The following C1R variants were observed in gnomAD, a reference collection of about 807,000 sequenced individuals.
The protein encoded by C1R is complement C1r, also known as complement C1r subcomponent.
In C1R, 15 loss-of-function variants were observed where a neutral mutation model predicts 27.6. The ratio of observed to expected loss-of-function variants is 0.54; its 90% CI spans 0.36 to 0.84. The LOEUF is 0.84. Ranked by LOEUF, C1R falls within the 40% of genes least tolerant of loss-of-function variation. The probability of loss-of-function intolerance (pLI) is 0.01; values close to 1 mark genes in which losing one functional copy is unlikely to be tolerated. For missense variants in C1R, 544 were observed against 577.9 expected (o/e 0.94, Z 0.60); for synonymous variants, 253 against 228.8 (o/e 1.11, Z -0.95).
rs1361804976 is a variant in C1R, at chr12:7,081,493, A to T, written c.1349-192T>A. On this transcript the variant is annotated intron_variant, in intron 10 of 10. Transcript: ENST00000647956. ...TTGTTCTTGTTTTTTTTTTTTTTTT[A>T]AATTATTATTTTTATTTTTTGAGAC... Among the ~76,000 whole-genome samples the T allele has an allele frequency of 4.3e-3, 479 of 111,522 alleles. 5 individuals carry two copies. The highest frequency in any genetic ancestry group is 0.013 in the African/African-American group (389 of 29,024). 73.2% of individuals were successfully genotyped at this position (111,522 alleles called of 152,430 possible).
chr12:7,089,163 C>T (rs2135743285), intron 5 of C1R, 130 bp downstream of exon 5: 2 of 649,586 alleles, frequency 3.1e-6, no homozygotes, highest in South Asian at 1.7e-5. Flanking sequence ...TGGGAACTTA[C>T]CCAGCCCATG....
rs770884337 is a variant in C1R at position 7,088,832 on chromosome 12, G to A, written c.916+7C>T. The A allele has an allele frequency of 2.6e-6, 2 of 772,314 alleles. No individual in the cohort carries two copies. Among genetic ancestry groups the A allele is most frequent in the South Asian group, 1.4e-5 (1 of 73,496 alleles). The allele number at this position is 772,314 out of a possible 1,614,324, so 47.8% of individuals were successfully genotyped here. ...GGCCATCGAGGGAGGCCTGCAGGGA[G>A]CCTTACTCTCGGTGGTGTAGCGCAG... On this transcript the variant is annotated splice_region_variant and intron_variant, in intron 6 of 10. Transcript: ENST00000647956.
intron 1 of C1R, chr12:7,092,122 G>A: frequency 1.7e-6 from 1 of 599,558 alleles, no homozygotes; most frequent in Non-Finnish European, 3.0e-6. Context: ...CCCGTCCTGG[G>A]CAAGGGGTCC....
chr12:7,087,220 C>T (rs1938170318), intron 7 of C1R: 1 of 152,306 alleles, frequency 6.6e-6, no homozygotes, highest in African/African-American at 2.4e-5. Context: ...CAAAAATTAG[C>T]TGGGCATGGT....
intron 8 of C1R, 125 bp downstream of exon 8, chr12:7,086,253 AG>A (rs1938154436): frequency 2.5e-6 from 1 of 397,588 alleles, no homozygotes; most frequent in African/African-American, 2.1e-5. Flanking sequence ...TAGGCATCAA[AG>A]GACAAGTCAG....
intron 7 of C1R, among the ~76,000 whole-genome samples, chr12:7,088,010 AG>A (rs2135742233): frequency 6.6e-6 from 1 of 152,284 alleles, no homozygotes; most frequent in South Asian, 2.1e-4. Flanking sequence ...GAATCTGCAG[AG>A]CCGAGGACAG....
At chr12:7,089,775 G>T in intron 3 of C1R, 42 bp from the exon 4 acceptor site, 1 of 773,054 alleles carries the variant, frequency 1.3e-6, no homozygotes, top group South Asian at 1.4e-5. Context: ...TCTGCTGGGA[G>T]ACCTGAGTAG....
At position 7,091,965 on chromosome 12, in the gene C1R, C is replaced by T; in HGVS notation, c.3-285G>A. On this transcript the variant is annotated intron_variant, in intron 1 of 10. Transcript: ENST00000647956. The surrounding 1 kb of genome is among the most constrained non-coding windows in gnomAD (Gnocchi z 5.1). ...TCCCCTGCCCGGACGCGTCCCTCCC[C>T]TCCCCTTCCAGGAATAGGACTGGCT... is the stretch of plus-strand genomic sequence containing the variant. 1.6e-6 allele frequency: 1 copy of T among 612,700 alleles called. No individual in the cohort carries two copies. The highest frequency in any genetic ancestry group is 3.0e-6 in the Non-Finnish European group (1 of 332,590). 38.0% of individuals were successfully genotyped at this position (612,700 alleles called of 1,614,324 possible). A position where few individuals can be genotyped will look rare whatever the true frequency, so the allele number is the denominator to read the frequency against.
Position 7,091,152 on chromosome 12 carries a change from A to T in C1R, c.231+300T>A. 2.6e-6 allele frequency: 1 copy of T among 380,718 alleles called. No individual in the cohort carries two copies. Among genetic ancestry groups the T allele is most frequent in the Non-Finnish European group, 4.8e-6 (1 of 210,274 alleles). The allele number at this position is 380,718 out of a possible 1,614,324, so 23.6% of individuals were successfully genotyped here. ...CTTGGAGACAGGGAAGCTGAGGCAC[A>T]GTGGTTTCCCAAAGACTCTCAGCTA... On this transcript the variant is annotated intron_variant, in intron 2 of 10. Coordinates refer to ENST00000647956, the MANE Select transcript of C1R (RefSeq NM_001733.7). The surrounding 1 kb of genome is among the most constrained non-coding windows in gnomAD (Gnocchi z 5.1).
At position 7,089,624 on chromosome 12, in the gene C1R, T is replaced by C. The variant is rs1230872469; in HGVS notation, c.534A>G (p.Pro178=). ...GCCTGTCTTCCTGAAGCTCATAGCC[T>C]GGACGGCAGGAACAGAAGTAGCCTC... The part of the protein sequence containing the change: ...YVGGYFCSCR[P]GYELQEDRHS... The change falls in exon 4 of 11, where the codon CCA becomes CCG. Residue 178 remains proline, a synonymous_variant. Transcript: ENST00000647956. The C allele has an allele frequency of 5.1e-6, 4 of 780,830 alleles. No individual in the cohort carries two copies. Among genetic ancestry groups the C allele is most frequent in the Non-Finnish European group, 9.6e-6 (4 of 418,002 alleles). The allele number at this position is 780,830 out of a possible 1,614,324, so 48.4% of individuals were successfully genotyped here. A position where few individuals can be genotyped will look rare whatever the true frequency, so the allele number is the denominator to read the frequency against.
At position 7,091,644 on chromosome 12, in the gene C1R, G is replaced by A; in HGVS notation, c.39C>T (p.Cys13=). The change falls in exon 2 of 11, where the codon TGC becomes TGT. Residue 13 remains cysteine (C), a synonymous_variant. Transcript: ENST00000647956. The surrounding 1 kb of genome is among the most constrained non-coding windows in gnomAD (Gnocchi z 5.1). The part of the protein sequence containing the change: ...LLYLLVPALF[C]RAGGSIPIPQ... ...GGATGGGAATGGAGCCTCCTGCCCT[G>A]CAGAACAGGGCCGGCACCAGGAGGT... The A allele has an allele frequency of 1.3e-6, 1 of 753,412 alleles. No individual in the cohort carries two copies. The highest frequency in any genetic ancestry group is 2.5e-6 in the Non-Finnish European group (1 of 404,256). 46.7% of individuals were successfully genotyped at this position (753,412 alleles called of 1,614,324 possible).
Position 7,089,741 on chromosome 12 carries a change from G to C in C1R, c.425-8C>G. 2 of 780,340 alleles carry C rather than the reference G, an allele frequency of 2.6e-6. No homozygotes were observed. The highest frequency in any genetic ancestry group is 2.4e-5 in the East Asian group (1 of 41,246). 48.3% of individuals were successfully genotyped at this position (780,340 alleles called of 1,614,324 possible). ...AAGCACATTCATCAAGGTCTGGAAG[G>C]CATTCAGGAAGGAGGGTTAAGCTTC... On this transcript the variant is annotated splice_region_variant and splice_polypyrimidine_tract_variant and intron_variant, in intron 3 of 10. Transcript: ENST00000647956.
rs1938287609 is a variant in C1R, at chr12:7,091,943, C to T, written c.3-263G>A. On this transcript the variant is annotated intron_variant, in intron 1 of 10. Transcript: ENST00000647956. The surrounding 1 kb of genome is among the most constrained non-coding windows in gnomAD (Gnocchi z 5.1). ...TCACACTCCCTTTCCAGCCTCCTCCCCTGCCCGGACGCGTCCCTCCCCTCC... is the reference window on the plus strand; with the variant it reads ...TCACACTCCCTTTCCAGCCTCCTCCTCTGCCCGGACGCGTCCCTCCCCTCC... The T allele has an allele frequency of 1.6e-6, 1 of 639,808 alleles. No homozygotes were observed. The highest frequency in any genetic ancestry group is 2.9e-5 in the East Asian group (1 of 34,342). 39.6% of individuals were successfully genotyped at this position (639,808 alleles called of 1,614,324 possible).
chr12:7,080,692 T>C lies in C1R; in HGVS notation c.1958A>G (p.Asp653Gly). ...PSLKQDACQGDSGGVFAVRDP... is the reference protein window; with the variant it reads ...PSLKQDACQGGSGGVFAVRDP... ...CCTTACTGCAAAAACGCCCCCACTA[T>C]CCCCCTGGCAGGCGTCCTGCTTTAG... The change falls in exon 11 of 11, where the codon GAT (aspartate) becomes GGT (glycine). Residue 653 changes from aspartate to glycine, a missense_variant. Transcript: ENST00000647956. This position sits in a 1 kb window ranked among gnomAD's most constrained non-coding sequence, Gnocchi z 4.9. 6.2e-7 allele frequency: 1 copy of C among 1,613,776 alleles called. No individual in the cohort carries two copies. Among genetic ancestry groups the C allele is most frequent in the Non-Finnish European group, 8.5e-7 (1 of 1,179,850 alleles).
chr12:7,086,501 T>C (rs988184138), intron 7 of C1R, 44 bp from the exon 8 acceptor site: 87,721 of 398,280 alleles, frequency 0.22, 10,955 homozygotes, highest in Admixed American at 0.41. Flanking sequence ...CAAGAGGCAA[T>C]GGAGGTCCCC....
rs1938264488 is a variant in C1R, at chr12:7,091,087, C to T, written c.231+365G>A. 1.4e-5 allele frequency: 4 copies of T among 289,806 alleles called. No individual in the cohort carries two copies. The highest frequency in any genetic ancestry group is 2.6e-5 in the Non-Finnish European group (4 of 152,534). The allele number at this position is 289,806 out of a possible 1,614,324, so 18.0% of individuals were successfully genotyped here. ...GCCCACATTTCTCCTCCTCATGTCC[C>T]TGTGTTCCTGTTGAAGCAGGCAGCC... On this transcript the variant is annotated intron_variant, in intron 2 of 10. Coordinates refer to ENST00000647956, the MANE Select transcript of C1R (RefSeq NM_001733.7). The surrounding 1 kb of genome is among the most constrained non-coding windows in gnomAD (Gnocchi z 5.1).
rs376220347 is a variant in C1R at position 7,082,492 on chromosome 12, C to T, written c.1274-386G>A. 8.5e-5 allele frequency among the ~76,000 whole-genome samples: 13 copies of T among 152,100 alleles called. No individual in the cohort carries two copies. The East Asian group carries it at 1.4e-3, about 16-fold the overall frequency. On this transcript the variant is annotated intron_variant, in intron 9 of 10. Transcript: ENST00000647956. ...GACTACAGGTGCCCGCCACCATGCC[C>T]GGCTAATTTTTTGTATTTTTAGTAG...
intron 9 of C1R, 22 bp from the exon 10 acceptor site, chr12:7,082,128 A>C (rs1938075095): frequency 7.2e-7 from 1 of 1,390,716 alleles, no homozygotes; most frequent in African/African-American, 1.4e-5. Flanking sequence ...GGAGGCAAGA[A>C]TCAAGTTGGG....
intron 7 of C1R, 48 bp from the exon 8 acceptor site, chr12:7,086,505 G>A (rs1020641790): frequency 5.0e-6 from 2 of 398,330 alleles, no homozygotes; most frequent in Non-Finnish European, 8.9e-6. Flanking sequence ...AGGCAATGGA[G>A]GTCCCCTTCC....
Sources: gnomAD v4.1 joint callset for allele counts (sites outside exome capture counted in the v4.1 genomes callset) on GRCh38, gnomAD v4.1.1 for gene constraint, Gnocchi (gnomAD v3.1) non-coding constraint, MANE v1.5 for transcripts, NCBI Gene and HGNC (gene_info 2026-07-23, HGNC 2026-07-21) for gene names.